Variants in SH3BP5L observed in about 807,000 individuals in gnomAD.
SH3BP5L encodes SH3 domain-binding protein 5-like.
SH3BP5L carries 16 observed loss-of-function variants against 40.9 expected under a neutral mutation model. That is an observed-to-expected ratio of 0.39 (90% CI 0.27 to 0.59). The LOEUF (loss-of-function observed/expected upper bound fraction) is 0.59, where lower values mean the gene tolerates loss of function less well. Ranked by LOEUF, SH3BP5L falls within the 20% of genes least tolerant of loss-of-function variation. The pLI, the probability that SH3BP5L is intolerant of heterozygous loss-of-function variation, is 0.53. For synonymous variants in SH3BP5L, 229 were observed against 226.7 expected (o/e 1.01, Z -0.09); for missense variants, 471 against 544.6 (o/e 0.86, Z 1.35).
Position 248,812,480 on chromosome 1 carries a change from G to T in SH3BP5L, c.712-110C>A. ...CTCTCCCAGAATACCTGGACAGCTG[G>T]CTCAGCATCCACCACAGACCCACAA... On this transcript the variant is annotated intron_variant, in intron 6 of 6. Coordinates refer to ENST00000366472, the MANE Select transcript of SH3BP5L (RefSeq NM_030645.3). This position sits in a 1 kb window ranked among gnomAD's most constrained non-coding sequence, Gnocchi z 6.1. The T allele has an allele frequency of 3.6e-6, 3 of 829,678 alleles. No homozygotes were observed. In the African/African-American group the frequency reaches 5.1e-5, roughly 14 times the overall value. 51.4% of individuals were successfully genotyped at this position (829,678 alleles called of 1,614,324 possible).
chr1:248,819,940 T>A (rs1664211285), intron 2 of SH3BP5L, among the ~76,000 whole-genome samples: 1 of 151,976 alleles, frequency 6.6e-6, no homozygotes, highest in Admixed American at 6.5e-5. Flanking sequence ...AGTAAAAAAA[T>A]TTAAAAAAAG....
intron 2 of SH3BP5L, among the ~76,000 whole-genome samples, chr1:248,824,271 C>T (rs1047038053): frequency 6.6e-6 from 1 of 152,168 alleles, no homozygotes; most frequent in Non-Finnish European, 1.5e-5. Context: ...ATTATCAGAG[C>T]AATGTGGGCC....
intron 5 of SH3BP5L, 187 bp downstream of exon 5, chr1:248,814,262 G>T: frequency 1.5e-6 from 1 of 653,610 alleles, no homozygotes; most frequent in Non-Finnish European, 2.6e-6. Context: ...AAGTCAGAGG[G>T]AAATGGAATA....
At position 248,814,100 on chromosome 1, in the gene SH3BP5L, G is replaced by C. The variant is rs1664033081; in HGVS notation, c.537+349C>G. The stretch of plus-strand genomic sequence containing the variant: ...ACTGTCAGAGCTCAAAAGCAGGAAA[G>C]GGAGCAGACTCTGAAAACAGAAGCG... On this transcript the variant is annotated intron_variant, in intron 5 of 6. Coordinates refer to ENST00000366472, the MANE Select transcript of SH3BP5L (RefSeq NM_030645.3). 4 of 267,960 alleles carry C rather than the reference G, an allele frequency of 1.5e-5. No individual in the cohort carries two copies. In the South Asian group the frequency reaches 1.9e-4, roughly 13 times the overall value. 16.6% of individuals were successfully genotyped at this position (267,960 alleles called of 1,614,324 possible). A position where few individuals can be genotyped will look rare whatever the true frequency, so the allele number is the denominator to read the frequency against.
chr1:248,812,155 C>T lies in SH3BP5L; in HGVS notation c.927G>A (p.Glu309=), dbSNP rs772892929. 3 of 1,598,994 alleles carry T rather than the reference C, an allele frequency of 1.9e-6. No individual in the cohort carries two copies. The highest frequency in any genetic ancestry group is 1.1e-5 in the South Asian group (1 of 89,710). ...EDMEDGDSGI[E]GAEGAGLEEG... is the part of the protein sequence containing the mutation. ...CCTCCAGCCCCGCACCCTCGGCCCC[C>T]TCAATCCCGCTGTCTCCGTCCTCCA... The change falls in exon 7 of 7, where the codon GAG becomes GAA. Residue 309 remains glutamate (E), a synonymous_variant. Transcript: ENST00000366472. The surrounding 1 kb of genome is among the most constrained non-coding windows in gnomAD (Gnocchi z 6.1).
rs777320393 is a variant in SH3BP5L, at chr1:248,813,008, T to A, written c.692A>T (p.Gln231Leu). ...AGCTACCTCCAGGATCTGGCTGAAC[T>A]GGGCCTTGAGCTCAAAGTAGGGGCG... ...KSRPYFELKA[Q>L]FSQILEEHKA... The change falls in exon 6 of 7, where the codon CAG becomes CTG. Residue 231 changes from glutamine (Q) to leucine (L), a missense_variant. This residue lies in a region of SH3BP5L where 275 missense variants were observed against 370.1 expected (regional missense o/e 0.74). Transcript: ENST00000366472. The A allele has an allele frequency of 2.5e-6, 4 of 1,596,920 alleles. No homozygotes were observed. In the South Asian group the frequency reaches 4.5e-5, roughly 18 times the overall value.
chr1:248,811,918 C>T lies in SH3BP5L; in HGVS notation c.1164G>A (p.Gln388=). The T allele has an allele frequency of 3.2e-6, 5 of 1,539,224 alleles. No individual in the cohort carries two copies. Among genetic ancestry groups the T allele is most frequent in the African/African-American group, 1.4e-5 (1 of 73,116 alleles). The change falls in exon 7 of 7, where the codon CAG becomes CAA. Residue 388 remains glutamine, a synonymous_variant. Transcript: ENST00000366472. Reference sequence around the variant, plus strand: ...CCCTCGGCTACAGGCTGACGCTGCGCTGGTGCCGACCCCCACGGGCTCCGC... The same window carrying T: ...CCCTCGGCTACAGGCTGACGCTGCGTTGGTGCCGACCCCCACGGGCTCCGC... ...SDGGARGGRH[Q]RSVSL
At chr1:248,817,081 C>G (rs751084616) in intron 2 of SH3BP5L, 197 bp from the exon 3 acceptor site, 2 of 1,521,254 alleles carry the variant, frequency 1.3e-6, no homozygotes, top group Non-Finnish European at 8.8e-7. Context: ...TACAATCTCA[C>G]GTAATCCTCA....
Position 248,816,654 on chromosome 1 carries a change from C to T in SH3BP5L, c.255G>A (p.Arg85=), listed in dbSNP as rs1392682040. The change falls in exon 4 of 7, where the codon AGG becomes AGA. Residue 85 remains arginine (R), a synonymous_variant. Coordinates refer to ENST00000366472, the MANE Select transcript of SH3BP5L (RefSeq NM_030645.3). Reference sequence around the variant, plus strand: ...CCTGTAGGATCCTCCGATAGGTGGTCCTGGCCTCCTGGAAAGGAACAAGGC... The same window carrying T: ...CCTGTAGGATCCTCCGATAGGTGGTTCTGGCCTCCTGGAAAGGAACAAGGC... ...NQVELQLDEA[R]TTYRRILQES... is the part of the protein sequence containing the mutation. The T allele has an allele frequency of 3.1e-6, 5 of 1,613,902 alleles. No individual in the cohort carries two copies. The South Asian group carries it at 3.3e-5, about 11-fold the overall frequency.
intron 2 of SH3BP5L, among the ~76,000 whole-genome samples, chr1:248,819,695 T>C (rs1664200337): frequency 1.1e-5 from 1 of 92,064 alleles, no homozygotes; most frequent in African/African-American, 4.5e-5. Context: ...GGAGCAAGAC[T>C]CAGTCTCAAA....
intron 2 of SH3BP5L, among the ~76,000 whole-genome samples, chr1:248,823,435 T>A (rs1342772040): frequency 6.7e-6 from 1 of 150,318 alleles, no homozygotes; most frequent in Non-Finnish European, 1.5e-5. Flanking sequence ...AAATCATAAA[T>A]CATGGGGTTG....
intron 2 of SH3BP5L, among the ~76,000 whole-genome samples, chr1:248,824,430 A>G (rs575432173): frequency 6.6e-6 from 1 of 152,324 alleles, no homozygotes; most frequent in East Asian, 1.9e-4. Context: ...TCTGGAAAGA[A>G]GTACAACACA....
At chr1:248,823,168 T>C (rs1382334657) in intron 2 of SH3BP5L, among the ~76,000 whole-genome samples, 1 of 152,218 alleles carries the variant, frequency 6.6e-6, no homozygotes, top group East Asian at 1.9e-4. Context: ...AAGCCTTCTC[T>C]GGAGCAGGGC....
At position 248,810,997 on chromosome 1, in the gene SH3BP5L, C is replaced by G. The variant is rs1446803074; in HGVS notation, c.*903G>C. On this transcript the variant is annotated 3_prime_UTR_variant, in exon 7 of 7. Transcript: ENST00000366472. The stretch of plus-strand genomic sequence containing the variant: ...GAGGGTGCTGAGTCAGTTCAGCATC[C>G]TCTACCCAGAAAAAGTAAACACAAC... 2.0e-5 allele frequency: 3 copies of G among 152,710 alleles called. 1 individual carries two copies. Among genetic ancestry groups the G allele is most frequent in the Non-Finnish European group, 4.4e-5 (3 of 68,098 alleles). The allele number at this position is 152,710 out of a possible 1,614,324, so 9.5% of individuals were successfully genotyped here.
Position 248,821,596 on chromosome 1 carries a change from G to C in SH3BP5L, c.183+3157C>G, listed in dbSNP as rs1664256282. On this transcript the variant is annotated intron_variant, in intron 2 of 6. Transcript: ENST00000366472. The surrounding 1 kb of genome is among the most constrained non-coding windows in gnomAD (Gnocchi z 4.6). ...GTAAACGAGAGCACTCACATCTGAG[G>C]AAAGAATGCAACCACTAAGAGGGGG... 1.3e-5 allele frequency among the ~76,000 whole-genome samples: 2 copies of C among 152,114 alleles called. 1 individual carries two copies. The highest frequency in any genetic ancestry group is 4.1e-4 in the South Asian group (2 of 4,834).
Position 248,812,880 on chromosome 1 carries a change from G to GGCCTCACCCTGGCC in SH3BP5L, c.711+95_711+108dup, listed in dbSNP as rs1663991130. The GGCCTCACCCTGGCC allele has an allele frequency of 2.0e-6, 2 of 988,092 alleles. No individual in the cohort carries two copies. The highest frequency in any genetic ancestry group is 5.2e-5 in the Admixed American group (2 of 38,342). The allele number at this position is 988,092 out of a possible 1,614,324, so 61.2% of individuals were successfully genotyped here. ...CCACCCTTCCCCACCGCTAGCCGGA[G>GGCCTCACCCTGGCC]GCCTCACCCTGGCCACCTCACCAAG... On this transcript the variant is annotated intron_variant, in intron 6 of 6. Transcript: ENST00000366472. The surrounding 1 kb of genome is among the most constrained non-coding windows in gnomAD (Gnocchi z 6.1).
rs754071227 is a variant in SH3BP5L, at chr1:248,812,262, G to T, written c.820C>A (p.Arg274=). 4.3e-6 allele frequency: 7 copies of T among 1,611,864 alleles called. No individual in the cohort carries two copies. In the South Asian group the frequency reaches 4.4e-5, roughly 10 times the overall value. The change falls in exon 7 of 7, where the codon CGG becomes AGG. Residue 274 remains arginine (R), a synonymous_variant. Coordinates refer to ENST00000366472, the MANE Select transcript of SH3BP5L (RefSeq NM_030645.3). This position sits in a 1 kb window ranked among gnomAD's most constrained non-coding sequence, Gnocchi z 6.1. ...LEQISEQIHA[R]RRGGLPPHPL... ...TGGGGAGGCAGACCCCCGCGGCGCC[G>T]TGCGTGAATCTGCTCGCTGATCTGC...
In SH3BP5L at chr1:248,812,472, G is replaced by A. The variant is rs1663975897; in HGVS notation, c.712-102C>T. The A allele has an allele frequency of 4.1e-5, 37 of 893,818 alleles. No homozygotes were observed. The South Asian group carries it at 4.9e-4, about 12-fold the overall frequency. 55.4% of individuals were successfully genotyped at this position (893,818 alleles called of 1,614,324 possible). On this transcript the variant is annotated intron_variant, in intron 6 of 6. Coordinates refer to ENST00000366472, the MANE Select transcript of SH3BP5L (RefSeq NM_030645.3). This position sits in a 1 kb window ranked among gnomAD's most constrained non-coding sequence, Gnocchi z 6.1. ...AGGGCCTGCTCTCCCAGAATACCTGGACAGCTGGCTCAGCATCCACCACAG... is the reference window on the plus strand; with the variant it reads ...AGGGCCTGCTCTCCCAGAATACCTGAACAGCTGGCTCAGCATCCACCACAG...
chr1:248,820,245 G>A (rs2103017738), intron 2 of SH3BP5L, among the ~76,000 whole-genome samples: 1 of 152,276 alleles, frequency 6.6e-6, no homozygotes, highest in South Asian at 2.1e-4. Flanking sequence ...ACACAGCTCA[G>A]GGCCCCAGAG....
Sources: allele counts gnomAD v4.1 joint callset (sites outside exome capture counted in the v4.1 genomes callset), GRCh38; gene constraint gnomAD v4.1.1; regional missense constraint gnomAD v4.1.1; non-coding constraint Gnocchi (gnomAD v3.1); transcripts MANE v1.5; gene names NCBI Gene and HGNC (gene_info 2026-07-23, HGNC 2026-07-21).